The following CDC45 variants were observed in gnomAD, a reference collection of about 807,000 sequenced individuals.
The protein encoded by CDC45 is cell division control protein 45 homolog.
A neutral mutation model predicts 77.8 loss-of-function variants in CDC45; 54 were observed. The ratio of observed to expected loss-of-function variants is 0.69; its 90% CI spans 0.56 to 0.87. The LOEUF is 0.87. CDC45 is among the 40% of genes least tolerant of loss of function. CDC45 has a pLI of 0.00. For synonymous variants in CDC45, 260 were observed against 272.1 expected (o/e 0.96, Z 0.44); for missense variants, 649 against 721.6 (o/e 0.90, Z 1.15).
At chr22:19,507,548 A>G in intron 11 of CDC45, 31 bp downstream of exon 11, 1 of 1,612,302 alleles carries the variant, frequency 6.2e-7, no homozygotes, top group Non-Finnish European at 8.5e-7. Context: ...CTGCAGTGCC[A>G]GCCCTGGCCA....
At chr22:19,512,056 T>G (rs1001927588) in intron 13 of CDC45, among the ~76,000 whole-genome samples, 2 of 152,014 alleles carry the variant, frequency 1.3e-5, no homozygotes, top group Admixed American at 1.3e-4. Flanking sequence ...ACCTGGCTAA[T>G]TTTTGTATTT....
In CDC45 at chr22:19,494,592, A is replaced by G. The variant is rs969692772; in HGVS notation, c.542+210A>G. On this transcript the variant is annotated intron_variant, in intron 6 of 18. Coordinates refer to ENST00000263201, the MANE Select transcript of CDC45 (RefSeq NM_003504.5). ...TCCCATGAGTGACAGGACAGCCCCAAGGTCTCCCAGGTACATGCCATCCAT... is the reference window on the plus strand; with the variant it reads ...TCCCATGAGTGACAGGACAGCCCCAGGGTCTCCCAGGTACATGCCATCCAT... 3.9e-6 allele frequency: 6 copies of G among 1,544,408 alleles called. No individual in the cohort carries two copies. In the Admixed American group the frequency reaches 7.8e-5, roughly 20 times the overall value.
chr22:19,482,897 C>T, intron 4 of CDC45, 70 bp downstream of exon 4: 5 of 1,428,478 alleles, frequency 3.5e-6, no homozygotes, highest in Non-Finnish European at 4.9e-6. Flanking sequence ...ACCTGGTGTT[C>T]TTGGTAAGGT....
At chr22:19,513,140 G>A (rs1389360023) in intron 13 of CDC45, among the ~76,000 whole-genome samples, 2 of 152,190 alleles carry the variant, frequency 1.3e-5, no homozygotes, top group Non-Finnish European at 2.9e-5. Context: ...CCACCTCGAA[G>A]ATCTTGGATC....
chr22:19,492,535 GC>G (rs1196855209), intron 5 of CDC45, among the ~76,000 whole-genome samples: 2 of 152,096 alleles, frequency 1.3e-5, no homozygotes, highest in African/African-American at 4.8e-5. Context: ...GCTCGTTGAA[GC>G]ATTTTTATGA....
In CDC45 at chr22:19,515,012, G is replaced by T. The variant is rs1470799043; in HGVS notation, c.1404G>T (p.Leu468=). ...MLFSRPASLS[L]LSKHLLKSFV... ...TCTCTAGGCCGGCATCCCTAAGCCT[G>T]CTCAGCAAACACCTGCTCAAGTCCT... The change falls in exon 15 of 19, where the codon CTG becomes CTT. Residue 468 remains leucine, a synonymous_variant. Transcript: ENST00000263201. 1.2e-6 allele frequency: 2 copies of T among 1,613,498 alleles called. No homozygotes were observed.
In CDC45 at chr22:19,483,842, C is replaced by A. The variant is rs756069986; in HGVS notation, c.343-20C>A. On this transcript the variant is annotated intron_variant, in intron 4 of 18. Coordinates refer to ENST00000263201, the MANE Select transcript of CDC45 (RefSeq NM_003504.5). Reference sequence around the variant, plus strand: ...CCGTAGAAAGAGGAGAGGCTTAATTCCTTTTTGTTTTGAACTTAGATCAAA... The same window carrying A: ...CCGTAGAAAGAGGAGAGGCTTAATTACTTTTTGTTTTGAACTTAGATCAAA... 6.2e-7 allele frequency: 1 copy of A among 1,608,022 alleles called. No homozygotes were observed. The highest frequency in any genetic ancestry group is 1.1e-5 in the South Asian group (1 of 90,074).
intron 9 of CDC45, among the ~76,000 whole-genome samples, chr22:19,503,536 A>G (rs923968510): frequency 5.3e-5 from 8 of 152,184 alleles, no homozygotes; most frequent in Admixed American, 4.6e-4. Flanking sequence ...TATATGGTCA[A>G]CCTGAGTTAG....
chr22:19,479,798 A>T (rs2089942475), upstream of CDC45: 3 of 702,872 alleles, frequency 4.3e-6, no homozygotes, highest in Non-Finnish European at 2.5e-6. Flanking sequence ...CAGAGCGCTA[A>T]TGGCCGCCTC....
At chr22:19,509,074 A>G (rs1249798078) in intron 13 of CDC45, among the ~76,000 whole-genome samples, 1 of 151,944 alleles carries the variant, frequency 6.6e-6, no homozygotes, top group Non-Finnish European at 1.5e-5. Context: ...GAGATGTCCT[A>G]TATTTTTCCA....
At chr22:19,497,535 G>A (rs2090264714) in intron 8 of CDC45, 88 bp downstream of exon 8, 3 of 1,096,824 alleles carry the variant, frequency 2.7e-6, no homozygotes, top group African/African-American at 1.5e-5. Flanking sequence ...CAGGGAGGGT[G>A]TTTCCCTTGT....
intron 9 of CDC45, among the ~76,000 whole-genome samples, chr22:19,503,112 A>C (rs1932963971): frequency 1.3e-5 from 2 of 152,274 alleles, no homozygotes; most frequent in African/African-American, 4.8e-5. Flanking sequence ...AGCTTCAGTG[A>C]GCTATGATTG....
chr22:19,483,596 T>G (rs975686452), intron 4 of CDC45, among the ~76,000 whole-genome samples: 1 of 152,168 alleles, frequency 6.6e-6, no homozygotes, highest in Non-Finnish European at 1.5e-5. Flanking sequence ...GTTTCCAGAC[T>G]TAAGTAGACT....
chr22:19,518,739 G>A (rs1029755504), intron 17 of CDC45, 105 bp from the exon 18 acceptor site: 17 of 863,320 alleles, frequency 2.0e-5, no homozygotes, highest in African/African-American at 4.9e-5. Context: ...GAGGAGCCGC[G>A]CACTTTGGAA....
upstream of CDC45, chr22:19,479,699 T>G (rs2089940172): frequency 1.4e-6 from 1 of 695,146 alleles, no homozygotes; most frequent in Middle Eastern, 2.5e-4. Context: ...TAAAAGCGAG[T>G]CAGAGTTGAA....
At chr22:19,502,900 A>G (rs1171708046) in intron 9 of CDC45, among the ~76,000 whole-genome samples, 2 of 152,168 alleles carry the variant, frequency 1.3e-5, no homozygotes, top group Non-Finnish European at 2.9e-5. Flanking sequence ...AAGCAGACAG[A>G]AAAGAGACAG....
chr22:19,487,816 GC>G (rs1243161500), intron 5 of CDC45, among the ~76,000 whole-genome samples: 1 of 149,044 alleles, frequency 6.7e-6, no homozygotes, highest in Non-Finnish European at 1.5e-5. Context: ...GAAGGCTGAG[GC>G]AGGAGGATGG....
chr22:19,504,072 G>A (rs548659431), intron 9 of CDC45, among the ~76,000 whole-genome samples: 5 of 152,344 alleles, frequency 3.3e-5, no homozygotes, highest in African/African-American at 7.2e-5. Context: ...GCACCAAGCC[G>A]CAGGCAAGCA....
At chr22:19,485,590 TTGA>T (rs1258573973) in intron 5 of CDC45, among the ~76,000 whole-genome samples, 3 of 152,228 alleles carry the variant, frequency 2.0e-5, no homozygotes, top group African/African-American at 7.2e-5. Context: ...GTAGGTTGTC[TTGA>T]TGAGATACAG....
Sources: gnomAD v4.1 joint callset for allele counts (sites outside exome capture counted in the v4.1 genomes callset) on GRCh38, gnomAD v4.1.1 for gene constraint, MANE v1.5 for transcripts, NCBI Gene and HGNC (gene_info 2026-07-23, HGNC 2026-07-21) for gene names.